ZMIZ1: variants seen among roughly 807,000 people sequenced by gnomAD.
ZMIZ1 encodes zinc finger MIZ-type containing 1.
In ZMIZ1, 17 loss-of-function variants were observed where a neutral mutation model predicts 113.9. The observed-to-expected ratio is 0.15, with a 90% confidence interval of 0.10 to 0.22. The LOEUF (loss-of-function observed/expected upper bound fraction) is 0.22, where lower values mean the gene tolerates loss of function less well. Among genes scored for constraint, ZMIZ1 ranks in the 10% least tolerant of loss-of-function variants. ZMIZ1 has a pLI of 1.00. For synonymous variants in ZMIZ1, 607 were observed against 603.1 expected (o/e 1.01, Z -0.09); for missense variants, 1,059 against 1,477.8 (o/e 0.72, Z 4.65).
At chr10:79,229,550 T>C (rs989989315) in intron 7 of ZMIZ1, among the ~76,000 whole-genome samples, 4 of 152,178 alleles carry the variant, frequency 2.6e-5, no homozygotes, top group Non-Finnish European at 4.4e-5. Flanking sequence ...GAAACAGGAA[T>C]TACTGGGGGG....
intron 1 of ZMIZ1, among the ~76,000 whole-genome samples, chr10:79,078,520 G>C (rs1387692624): frequency 6.9e-6 from 1 of 145,132 alleles, no homozygotes; most frequent in Non-Finnish European, 1.5e-5. Flanking sequence ...AGAGTAAATA[G>C]TTTGCTTCAC....
At chr10:79,281,079 A>T (rs1263394438) in intron 8 of ZMIZ1, among the ~76,000 whole-genome samples, 1 of 152,156 alleles carries the variant, frequency 6.6e-6, no homozygotes, top group Non-Finnish European at 1.5e-5. Context: ...GCAGCTCCCC[A>T]CTAGGGACCA....
intron 17 of ZMIZ1, 119 bp from the exon 18 acceptor site, chr10:79,301,987 TG>T: frequency 3.2e-6 from 3 of 928,406 alleles, no homozygotes; most frequent in Non-Finnish European, 3.4e-6. Context: ...GGAGACACCC[TG>T]GGGGAGCCTC....
intron 5 of ZMIZ1, among the ~76,000 whole-genome samples, chr10:79,206,384 G>A (rs1231502464): frequency 2.0e-5 from 3 of 152,200 alleles, no homozygotes; most frequent in Non-Finnish European, 2.9e-5. Context: ...CTAATTTGGT[G>A]TGACATCACT....
intron 1 of ZMIZ1, among the ~76,000 whole-genome samples, chr10:79,116,971 TCTC>T (rs577867121): frequency 6.6e-4 from 100 of 152,360 alleles, no homozygotes; most frequent in African/African-American, 2.2e-3. Flanking sequence ...TGGCTGGACT[TCTC>T]CTCCTGATTC....
At chr10:79,119,571 GCGCC>G (rs1844196454) in intron 2 of ZMIZ1, among the ~76,000 whole-genome samples, 1 of 152,204 alleles carries the variant, frequency 6.6e-6, no homozygotes, top group Admixed American at 6.5e-5. Context: ...TGGCTCCAGT[GCGCC>G]AGCCACTGCC....
At chr10:79,277,412 C>A in intron 8 of ZMIZ1, 87 bp downstream of exon 8, 3 of 1,451,566 alleles carry the variant, frequency 2.1e-6, no homozygotes, top group Non-Finnish European at 2.7e-6. Flanking sequence ...GGGGTGGGGG[C>A]CTCTGTGCAA....
At chr10:79,150,201 C>A (rs910845105) in intron 3 of ZMIZ1, among the ~76,000 whole-genome samples, 1 of 152,184 alleles carries the variant, frequency 6.6e-6, no homozygotes, top group South Asian at 2.1e-4. Flanking sequence ...TAGGCCTCGG[C>A]GAGTGGCCAC....
chr10:79,197,595 T>TACAC (rs10648318), intron 4 of ZMIZ1, among the ~76,000 whole-genome samples: 5,274 of 136,444 alleles, frequency 0.039, 193 homozygotes, highest in African/African-American at 0.073. Context: ...ACCCAGACCA[T>TACAC]ACACACACAC....
intron 3 of ZMIZ1, among the ~76,000 whole-genome samples, chr10:79,144,663 T>C (rs1182216481): frequency 2.6e-5 from 4 of 152,264 alleles, no homozygotes; most frequent in Non-Finnish European, 5.9e-5. Context: ...CCATTGTGCC[T>C]ATTGTTTAAA....
chr10:79,086,674 A>G (rs996038758), intron 1 of ZMIZ1, among the ~76,000 whole-genome samples: 3 of 152,166 alleles, frequency 2.0e-5, no homozygotes, highest in African/African-American at 4.8e-5. Flanking sequence ...ACCCCGGCTA[A>G]TTGAAAAAAA....
chr10:79,108,559 G>A (rs1589279677), intron 1 of ZMIZ1, among the ~76,000 whole-genome samples: 2 of 152,092 alleles, frequency 1.3e-5, no homozygotes, highest in Non-Finnish European at 2.9e-5. Context: ...GCCTGAGGGA[G>A]GCCGGACATA....
intron 1 of ZMIZ1, among the ~76,000 whole-genome samples, chr10:79,104,515 C>T (rs904930251): frequency 1.5e-4 from 23 of 152,210 alleles, no homozygotes; most frequent in Non-Finnish European, 1.5e-5. Context: ...ACTGAGCTTG[C>T]AGGGGTGAAT....
At chr10:79,081,814 G>T (rs890670594) in intron 1 of ZMIZ1, among the ~76,000 whole-genome samples, 1 of 152,256 alleles carries the variant, frequency 6.6e-6, no homozygotes, top group South Asian at 2.1e-4. Flanking sequence ...AGTCCAAGGG[G>T]AAGGCCAGCA....
chr10:79,198,965 C>T (rs1375455214), intron 4 of ZMIZ1, among the ~76,000 whole-genome samples: 7 of 151,036 alleles, frequency 4.6e-5, no homozygotes, highest in Non-Finnish European at 7.4e-5. Context: ...ACCTGGGAGG[C>T]GGAGGCTGCA....
intron 1 of ZMIZ1, among the ~76,000 whole-genome samples, chr10:79,108,609 G>T (rs771706056): frequency 2.0e-5 from 3 of 152,078 alleles, no homozygotes; most frequent in Non-Finnish European, 4.4e-5. Context: ...GGGTAAGGGT[G>T]GGGAGGTGGC....
chr10:79,140,560 C>T lies in ZMIZ1; in HGVS notation c.-131+783C>T, dbSNP rs921567786. ...GAGACCCATCCCTCCATCCATCCATCATCCATCCACTTACCTGTCCATCTC... is the reference window on the plus strand; with the variant it reads ...GAGACCCATCCCTCCATCCATCCATTATCCATCCACTTACCTGTCCATCTC... On this transcript the variant is annotated intron_variant, in intron 3 of 24. Coordinates refer to ENST00000334512, the MANE Select transcript of ZMIZ1 (RefSeq NM_020338.4). Among the ~76,000 whole-genome samples the T allele has an allele frequency of 4.6e-5, 7 of 152,264 alleles. No individual in the cohort carries two copies. The South Asian group carries it at 1.5e-3, about 32-fold the overall frequency.
chr10:79,137,066 G>A (rs909858868), intron 2 of ZMIZ1, among the ~76,000 whole-genome samples: 3 of 152,318 alleles, frequency 2.0e-5, no homozygotes, highest in Non-Finnish European at 4.4e-5. Flanking sequence ...ATATATATTT[G>A]TAATGTTAAA....
In ZMIZ1 at chr10:79,169,832, A is replaced by G. The variant is rs144071049; in HGVS notation, c.-50+7699A>G. 9.2e-5 allele frequency among the ~76,000 whole-genome samples: 14 copies of G among 152,380 alleles called. No individual in the cohort carries two copies. In the East Asian group the frequency reaches 2.7e-3, roughly 29 times the overall value. On this transcript the variant is annotated intron_variant, in intron 4 of 24. Transcript: ENST00000334512. Reference sequence around the variant, plus strand: ...AATGCAGCAATAGCTACACAGCACCAGTCCTCTCTGTTAGCAGCAGACTGA... The same window carrying G: ...AATGCAGCAATAGCTACACAGCACCGGTCCTCTCTGTTAGCAGCAGACTGA...
Sources: allele counts gnomAD v4.1 joint callset (sites outside exome capture counted in the v4.1 genomes callset), GRCh38; gene constraint gnomAD v4.1.1; transcripts MANE v1.5; gene names NCBI Gene and HGNC (gene_info 2026-07-23, HGNC 2026-07-21).